Variants in FAM13A observed in about 807,000 individuals in gnomAD.
FAM13A encodes protein FAM13A.
In FAM13A, 76 loss-of-function variants were observed where a neutral mutation model predicts 129.6. That is an observed-to-expected ratio of 0.59 (90% CI 0.49 to 0.71). FAM13A has a LOEUF of 0.71. FAM13A is among the 30% of genes least tolerant of loss of function. The pLI is 0.00. For synonymous variants in FAM13A, 443 were observed against 449.9 expected (o/e 0.98, Z 0.20); for missense variants, 1,108 against 1,249.3 (o/e 0.89, Z 1.70).
At chr4:89,027,608 T>C (rs976442712) in intron 2 of FAM13A, among the ~76,000 whole-genome samples, 6 of 152,150 alleles carry the variant, frequency 3.9e-5, no homozygotes, top group Non-Finnish European at 7.4e-5. Context: ...TCTTCCTTTA[T>C]TAAGTCGAGA....
chr4:88,875,684 C>G (rs1742293115), intron 6 of FAM13A, among the ~76,000 whole-genome samples: 2 of 152,298 alleles, frequency 1.3e-5, no homozygotes, highest in African/African-American at 2.4e-5. Flanking sequence ...CACTTTTACA[C>G]TGTTGGTGGG....
At chr4:88,761,871 C>T (rs1260107086) in intron 13 of FAM13A, among the ~76,000 whole-genome samples, 1 of 151,936 alleles carries the variant, frequency 6.6e-6, no homozygotes, top group East Asian at 1.9e-4. Flanking sequence ...TTTTTTCACA[C>T]ACTGGGGAAA....
At chr4:88,793,570 T>A (rs1011879909) in intron 8 of FAM13A, among the ~76,000 whole-genome samples, 3 of 151,854 alleles carry the variant, frequency 2.0e-5, no homozygotes, top group Admixed American at 2.0e-4. Context: ...GAAAAGAAAG[T>A]TCTGGTCTTG....
At chr4:88,768,842 C>G (rs1358148337) in intron 11 of FAM13A, among the ~76,000 whole-genome samples, 1 of 152,164 alleles carries the variant, frequency 6.6e-6, no homozygotes, top group East Asian at 1.9e-4. Flanking sequence ...TGTAAGATAT[C>G]TTTGACTGCC....
intron 6 of FAM13A, among the ~76,000 whole-genome samples, chr4:88,865,003 C>G (rs893220665): frequency 8.5e-5 from 13 of 152,098 alleles, no homozygotes; most frequent in African/African-American, 2.9e-4. Context: ...TTTTCACCTA[C>G]AGCCACTCCA....
chr4:88,945,495 C>A (rs1755513204), intron 4 of FAM13A, among the ~76,000 whole-genome samples: 1 of 152,124 alleles, frequency 6.6e-6, no homozygotes, highest in South Asian at 2.1e-4. Context: ...CTTCTTCTTT[C>A]TCTTGGAAGG....
chr4:89,029,123 A>G (rs548715254), intron 2 of FAM13A, among the ~76,000 whole-genome samples: 1 of 152,338 alleles, frequency 6.6e-6, no homozygotes, highest in East Asian at 1.9e-4. Flanking sequence ...GATTACATTA[A>G]AAATTATTGA....
intron 6 of FAM13A, among the ~76,000 whole-genome samples, chr4:88,905,114 T>C (rs1747922396): frequency 6.6e-6 from 1 of 152,116 alleles, no homozygotes; most frequent in Non-Finnish European, 1.5e-5. Context: ...ATTTCCTATG[T>C]CAGAGGCTAG....
intron 3 of FAM13A, among the ~76,000 whole-genome samples, chr4:88,994,022 T>C (rs975242207): frequency 1.3e-5 from 2 of 151,768 alleles, no homozygotes; most frequent in African/African-American, 4.8e-5. Context: ...ATGGCCTGAA[T>C]GGAAGAATCA....
chr4:88,882,952 C>T (rs1743831823), intron 6 of FAM13A, among the ~76,000 whole-genome samples: 1 of 152,042 alleles, frequency 6.6e-6, no homozygotes. Flanking sequence ...ACTTGTTCAA[C>T]AGGAAAATAT....
intron 7 of FAM13A, among the ~76,000 whole-genome samples, chr4:88,830,543 T>C (rs773200096): frequency 7.9e-5 from 12 of 152,228 alleles, no homozygotes; most frequent in Non-Finnish European, 1.2e-4. Flanking sequence ...CCAGTCTATA[T>C]AAGATTGCAA....
At chr4:88,945,990 G>GTGTATATATATATATATATATATATA in intron 4 of FAM13A, among the ~76,000 whole-genome samples, 6 of 61,944 alleles carry the variant, frequency 9.7e-5, no homozygotes, top group African/African-American at 1.7e-4. Flanking sequence ...GTGTGTGTGT[G>GTGTATATATATATATATATATATATA]TATATATATA....
intron 4 of FAM13A, among the ~76,000 whole-genome samples, chr4:88,972,401 A>C (rs1760234602): frequency 6.6e-6 from 1 of 150,856 alleles, no homozygotes; most frequent in Non-Finnish European, 1.5e-5. Context: ...TCCCAGGTTC[A>C]AGCAACTCTC....
rs576457998 is a variant in FAM13A at position 88,842,625 on chromosome 4, T to C, written c.1007+8395A>G. Among the ~76,000 whole-genome samples, 7 of 152,376 alleles carry C rather than the reference T, an allele frequency of 4.6e-5. No homozygotes were observed. In the South Asian group the frequency reaches 8.3e-4, roughly 18 times the overall value. On this transcript the variant is annotated intron_variant, in intron 7 of 23. Transcript: ENST00000264344. Reference sequence around the variant, plus strand: ...GGGCCCAGCGCATATGTGCAGTACATAGATTGTGCCCAATAACAATCTGTT... The same window carrying C: ...GGGCCCAGCGCATATGTGCAGTACACAGATTGTGCCCAATAACAATCTGTT...
chr4:88,761,568 A>G (rs1744822094), intron 13 of FAM13A, among the ~76,000 whole-genome samples: 2 of 152,130 alleles, frequency 1.3e-5, no homozygotes, highest in Non-Finnish European at 2.9e-5. Flanking sequence ...GGAAGGAGGA[A>G]TAACAAGTGC....
At chr4:88,906,608 A>T in intron 5 of FAM13A, 146 bp from the exon 6 acceptor site, 1 of 615,332 alleles carries the variant, frequency 1.6e-6, no homozygotes, top group South Asian at 2.0e-5. Context: ...TGTAGTACGG[A>T]GTCAAAACTT....
rs1239324983 is a variant in FAM13A, at chr4:88,771,219, T to C, written c.1459-3160A>G. Among the ~76,000 whole-genome samples, 3 of 149,164 alleles carry C rather than the reference T, an allele frequency of 2.0e-5. No individual in the cohort carries two copies. The Admixed American group carries it at 2.0e-4, about 10-fold the overall frequency. ...ATCTATGAGTACAGTAACAAAACTA[T>C]GTATTTCCATGGGCACAATACATTT... On this transcript the variant is annotated intron_variant, in intron 11 of 23. Coordinates refer to ENST00000264344, the MANE Select transcript of FAM13A (RefSeq NM_014883.4).
rs772360953 is a variant in FAM13A, at chr4:88,789,653, G to A, written c.1091+933C>T. Among the ~76,000 whole-genome samples, 81 of 152,150 alleles carry A rather than the reference G, an allele frequency of 5.3e-4. 1 individual carries two copies. The highest frequency in any genetic ancestry group is 5.0e-4 in the Non-Finnish European group (34 of 68,030). On this transcript the variant is annotated intron_variant, in intron 9 of 23. Transcript: ENST00000264344. Reference sequence around the variant, plus strand: ...AATGAACATGACAGACAAGTTCCTTGTATTTACAGAGCTTACATTCCCGTA... The same window carrying A: ...AATGAACATGACAGACAAGTTCCTTATATTTACAGAGCTTACATTCCCGTA...
At chr4:89,014,863 C>A (rs931266613) in intron 3 of FAM13A, among the ~76,000 whole-genome samples, 2 of 152,162 alleles carry the variant, frequency 1.3e-5, no homozygotes, top group Admixed American at 6.6e-5. Context: ...AACAGGATAA[C>A]AGCAATGTTC....
Sources: allele counts gnomAD v4.1 joint callset (sites outside exome capture counted in the v4.1 genomes callset), GRCh38; gene constraint gnomAD v4.1.1; transcripts MANE v1.5; gene names NCBI Gene and HGNC (gene_info 2026-07-23, HGNC 2026-07-21).